Variants in KCTD13 observed in about 807,000 individuals in gnomAD.
KCTD13 encodes potassium channel tetramerization domain containing 13.
In KCTD13, 15 loss-of-function variants were observed where a neutral mutation model predicts 32.3. The observed-to-expected ratio is 0.46, with a 90% CI of 0.31 to 0.71. KCTD13 has a LOEUF of 0.71. KCTD13 is among the 30% of genes least tolerant of loss of function. The probability of loss-of-function intolerance (pLI) is 0.05; values close to 1 mark genes in which losing one functional copy is unlikely to be tolerated. For missense variants in KCTD13, 337 were observed against 452.6 expected (o/e 0.74, Z 2.32); for synonymous variants, 189 against 200.1 (o/e 0.94, Z 0.47).
Position 29,911,077 on chromosome 16 carries a change from C to A in KCTD13, c.654G>T (p.Gly218=). ...AGAAAGACCAGCAGCAGATCTCGTC[C>A]CCCAGGACATCCTTGAGGAAGAGTA... ...GRLLFLKDVL[G]DEICCWSFYG... The change falls in exon 5 of 6, where the codon GGG becomes GGT. Residue 218 remains glycine, a synonymous_variant. Transcript: ENST00000568000. 6.2e-7 allele frequency: 1 copy of A among 1,614,176 alleles called. No individual in the cohort carries two copies. The highest frequency in any genetic ancestry group is 2.2e-5 in the East Asian group (1 of 44,888).
Position 29,906,673 on chromosome 16 carries a change from G to C in KCTD13, c.*199C>G. On this transcript the variant is annotated 3_prime_UTR_variant, in exon 6 of 6. Transcript: ENST00000568000. ...TTGGCTTCGGAAGGCTCTGAGTGGTGGGGCCGGAATGTACCATGTTGTTAG... is the reference window on the plus strand; with the variant it reads ...TTGGCTTCGGAAGGCTCTGAGTGGTCGGGCCGGAATGTACCATGTTGTTAG... 1 of 688,364 alleles carries C rather than the reference G, an allele frequency of 1.5e-6. No homozygotes were observed. Among genetic ancestry groups the C allele is most frequent in the Non-Finnish European group, 2.7e-6 (1 of 376,430 alleles). The allele number at this position is 688,364 out of a possible 1,614,324, so 42.6% of individuals were successfully genotyped here. A position where few individuals can be genotyped will look rare whatever the true frequency, so the allele number is the denominator to read the frequency against.
chr16:29,908,683 C>A (rs1597010967), intron 5 of KCTD13, among the ~76,000 whole-genome samples: 1 of 136,214 alleles, frequency 7.3e-6, no homozygotes, highest in South Asian at 2.4e-4. Flanking sequence ...CATGCCCGGC[C>A]TTTTTTTTTT....
intron 4 of KCTD13, 55 bp downstream of exon 4, chr16:29,911,760 C>T (rs2068714645): frequency 6.3e-7 from 1 of 1,591,928 alleles, no homozygotes; most frequent in Non-Finnish European, 8.6e-7. Context: ...TGGGCAGAAG[C>T]AGGGCTGTGC....
At chr16:29,911,700 G>A in intron 4 of KCTD13, 115 bp downstream of exon 4, 1 of 1,101,074 alleles carries the variant, frequency 9.1e-7, no homozygotes, top group Non-Finnish European at 1.3e-6. Flanking sequence ...GAATCTGCGA[G>A]CAGGCACAGA....
intron 2 of KCTD13, chr16:29,921,172 A>T (rs1425732739): frequency 6.6e-6 from 1 of 152,236 alleles, no homozygotes; most frequent in Non-Finnish European, 1.5e-5. Flanking sequence ...CCATTTATGG[A>T]CATTTAAAAT....
In KCTD13 at chr16:29,923,272, G is replaced by A. The variant is rs542780651; in HGVS notation, c.332C>T (p.Thr111Met). Residue 111 changes from threonine (T) to methionine (M), a missense_variant, in exon 2 of 6, where the codon ACG becomes ATG. Thr to Met is a moderately conservative substitution (Grantham distance 81, BLOSUM62 -1). Transcript: ENST00000568000. ...GCCCAGCAGCTCCCCCAGTTCTCTC[G>A]TACTCTCCGGCAGTGGCACAGACCC... ...RDGSVPLPES[T>M]RELGELLGEA... 20 of 1,614,168 alleles carry A rather than the reference G, an allele frequency of 1.2e-5. No individual in the cohort carries two copies. Among genetic ancestry groups the A allele is most frequent in the Non-Finnish European group, 1.4e-5 (17 of 1,180,032 alleles).
At chr16:29,907,754 C>CTG (rs1325073698) in intron 5 of KCTD13, among the ~76,000 whole-genome samples, 1 of 151,918 alleles carries the variant, frequency 6.6e-6, no homozygotes, top group African/African-American at 2.4e-5. Flanking sequence ...TACCACTGCA[C>CTG]TCCAACCTGG....
In KCTD13 at chr16:29,911,808, C is replaced by A; in HGVS notation, c.557+7G>T. Reference sequence around the variant, plus strand: ...TCCCGCCCAGTGCCCCGCACCCCGGCGGTCACCTGGTGTAGGAGTACTTGT... The same window carrying A: ...TCCCGCCCAGTGCCCCGCACCCCGGAGGTCACCTGGTGTAGGAGTACTTGT... On this transcript the variant is annotated splice_region_variant and intron_variant, in intron 4 of 5. Transcript: ENST00000568000. 1 of 1,612,324 alleles carries A rather than the reference C, an allele frequency of 6.2e-7. No homozygotes were observed. Among genetic ancestry groups the A allele is most frequent in the South Asian group, 1.1e-5 (1 of 90,922 alleles).
At chr16:29,911,655 A>G in intron 4 of KCTD13, 160 bp downstream of exon 4, 1 of 673,272 alleles carries the variant, frequency 1.5e-6, no homozygotes, top group Non-Finnish European at 2.5e-6. Context: ...AGCAGAAAGG[A>G]CCTGCCTAGA....
At chr16:29,917,170 C>A (rs2068824554) in intron 2 of KCTD13, among the ~76,000 whole-genome samples, 1 of 152,110 alleles carries the variant, frequency 6.6e-6, no homozygotes, top group Non-Finnish European at 1.5e-5. Flanking sequence ...GCCTGGAAAC[C>A]AGGAGGCAAG....
intron 1 of KCTD13, among the ~76,000 whole-genome samples, chr16:29,923,973 G>A (rs1396830086): frequency 1.3e-5 from 2 of 152,172 alleles, no homozygotes; most frequent in South Asian, 2.1e-4. Flanking sequence ...TCAAGAGTTC[G>A]AGACCAGCCT....
At chr16:29,923,110 A>G (rs759921494) in intron 2 of KCTD13, 80 bp downstream of exon 2, 3 of 1,485,248 alleles carry the variant, frequency 2.0e-6, no homozygotes, top group South Asian at 1.3e-5. Flanking sequence ...GCCATACCCC[A>G]TATCTCCTTT....
In KCTD13 at chr16:29,912,016, T is replaced by C. The variant is rs763867984; in HGVS notation, c.448A>G (p.Ile150Val). 6.2e-7 allele frequency: 1 copy of C among 1,611,510 alleles called. No homozygotes were observed. The highest frequency in any genetic ancestry group is 8.5e-7 in the Non-Finnish European group (1 of 1,178,994). The change falls in exon 3 of 6, where the codon ATC becomes GTC. Residue 150 changes from isoleucine to valine, a missense_variant. Physicochemically the swap from Ile to Val is conservative, Grantham distance 29 (BLOSUM62 3). Around this residue, in one of 3 missense-constraint regions of KCTD13, gnomAD observed 252 missense variants for 340.2 expected, o/e 0.74. Transcript: ENST00000568000. ...TCCCGGGGAGATGTCACCATGGGGA[T>C]GAGGCACAGCGGGGACAGCGTCTCC... ...KRETLSPLCL[I>V]PMVTSPREEQ...
intron 2 of KCTD13, chr16:29,921,549 G>A (rs1440212894): frequency 2.0e-5 from 3 of 152,040 alleles, no homozygotes; most frequent in East Asian, 1.9e-4. Context: ...TTCTTTTTAC[G>A]TCAAACAAGG....
At chr16:29,911,755 A>C (rs2068714437) in intron 4 of KCTD13, 60 bp downstream of exon 4, 2 of 1,587,104 alleles carry the variant, frequency 1.3e-6, no homozygotes, top group African/African-American at 2.7e-5. Context: ...CGCCTTGGGC[A>C]GAAGCAGGGC....
intron 2 of KCTD13, among the ~76,000 whole-genome samples, chr16:29,918,465 TTTTA>T (rs1177983644): frequency 1.3e-5 from 2 of 152,156 alleles, no homozygotes; most frequent in Admixed American, 6.5e-5. Flanking sequence ...ATTTTATTTA[TTTTA>T]TTATTTATTC....
At position 29,909,673 on chromosome 16, in the gene KCTD13, CCTTT is replaced by C. The variant is rs201848109; in HGVS notation, c.753+1301_753+1304del. Among the ~76,000 whole-genome samples the C allele has an allele frequency of 8.6e-3, 1,307 of 151,502 alleles. 6 individuals carry two copies. The highest frequency in any genetic ancestry group is 0.014 in the Non-Finnish European group (926 of 67,870). ...TTAAGAATCTATTTTTGGCAATGGG[CCTTT>C]CTGAGTTTCCCTTTTTTTTTTTTTT... On this transcript the variant is annotated intron_variant, in intron 5 of 5. Coordinates refer to ENST00000568000, the MANE Select transcript of KCTD13 (RefSeq NM_178863.5).
intron 5 of KCTD13, among the ~76,000 whole-genome samples, chr16:29,910,198 G>A (rs1326537161): frequency 6.6e-6 from 1 of 151,212 alleles, no homozygotes; most frequent in Admixed American, 6.6e-5. Flanking sequence ...AAGAGATTGA[G>A]ACCATCCTGG....
At chr16:29,908,530 C>T (rs1475894829) in intron 5 of KCTD13, among the ~76,000 whole-genome samples, 1 of 152,010 alleles carries the variant, frequency 6.6e-6, no homozygotes, top group East Asian at 1.9e-4. Context: ...GGATTACAGG[C>T]ATGTGCCATT....
Sources: allele counts gnomAD v4.1 joint callset (sites outside exome capture counted in the v4.1 genomes callset), GRCh38; gene constraint gnomAD v4.1.1; regional missense constraint gnomAD v4.1.1; transcripts MANE v1.5; gene names NCBI Gene and HGNC (gene_info 2026-07-23, HGNC 2026-07-21).